Variants in SV2C observed in about 807,000 individuals in gnomAD.
SV2C encodes synaptic vesicle glycoprotein 2C, also known as solute carrier family 22 member B3.
In SV2C, 49 loss-of-function variants were observed where a neutral mutation model predicts 79.7. The ratio of observed to expected loss-of-function variants is 0.61; its 90% CI spans 0.49 to 0.78. SV2C has a LOEUF of 0.78. SV2C is among the 30% of genes least tolerant of loss of function. The pLI is 0.00. For synonymous variants in SV2C, 334 were observed against 333.2 expected (o/e 1.00, Z -0.03); for missense variants, 833 against 912.9 (o/e 0.91, Z 1.13).
the SV2C span, among the ~76,000 whole-genome samples, chr5:76,015,372 C>A: frequency 6.6e-6 from 1 of 152,162 alleles, no homozygotes; most frequent in Non-Finnish European, 1.5e-5. Context: ...CCTACCTTAG[C>A]CTAGCCTAGC....
chr5:75,919,324 CT>C, the SV2C span, among the ~76,000 whole-genome samples: 1 of 152,186 alleles, frequency 6.6e-6, no homozygotes, highest in Non-Finnish European at 1.5e-5. Context: ...CTCTGTTTTT[CT>C]TCTCTGGACA....
chr5:75,899,366 T>C, the SV2C span, among the ~76,000 whole-genome samples: 1 of 151,870 alleles, frequency 6.6e-6, no homozygotes, highest in African/African-American at 2.4e-5. Flanking sequence ...ATTTTCCATG[T>C]AGTTGAGTGG....
chr5:75,991,448 C>T, the SV2C span, among the ~76,000 whole-genome samples: 1 of 150,730 alleles, frequency 6.6e-6, no homozygotes, highest in African/African-American at 2.4e-5. Context: ...TATTTATAAG[C>T]AATCTGTAAT....
At chr5:76,151,818 C>A (rs1446991213) in intron 2 of SV2C, among the ~76,000 whole-genome samples, 2 of 149,462 alleles carry the variant, frequency 1.3e-5, no homozygotes, top group Non-Finnish European at 3.0e-5. Context: ...GTGGTGCCAC[C>A]CAGTGAATCT....
chr5:75,873,243 A>G, the SV2C span, among the ~76,000 whole-genome samples: 1 of 152,196 alleles, frequency 6.6e-6, no homozygotes, highest in South Asian at 2.1e-4. Context: ...TTATGAAACA[A>G]TGATGAAGAC....
chr5:76,234,204 G>A (rs1579970384), intron 4 of SV2C, among the ~76,000 whole-genome samples: 1 of 152,108 alleles, frequency 6.6e-6, no homozygotes, highest in African/African-American at 2.4e-5. Context: ...AAACACCTAT[G>A]ACATGTTCCT....
intron 4 of SV2C, among the ~76,000 whole-genome samples, chr5:76,249,196 C>T (rs967841850): frequency 3.3e-5 from 5 of 152,164 alleles, no homozygotes; most frequent in African/African-American, 1.2e-4. Flanking sequence ...AGAAGTTCTC[C>T]AAGAGCTGCT....
the SV2C span, among the ~76,000 whole-genome samples, chr5:75,987,794 T>A: frequency 6.6e-6 from 1 of 152,044 alleles, no homozygotes; most frequent in African/African-American, 2.4e-5. Flanking sequence ...ACTACTGCCA[T>A]CTACTACTAG....
the SV2C span, among the ~76,000 whole-genome samples, chr5:76,040,452 A>G: frequency 2.0e-5 from 3 of 152,356 alleles, no homozygotes; most frequent in East Asian, 5.8e-4. Context: ...TGCCTTTGAT[A>G]CCATCATATA....
chr5:75,939,204 A>G, the SV2C span, among the ~76,000 whole-genome samples: 2 of 152,148 alleles, frequency 1.3e-5, no homozygotes, highest in African/African-American at 4.8e-5. Flanking sequence ...CTGTAACAAC[A>G]TACCATAGGC....
chr5:76,096,104 G>A (rs1430375484), intron 1 of SV2C, among the ~76,000 whole-genome samples: 3 of 152,104 alleles, frequency 2.0e-5, no homozygotes, highest in African/African-American at 7.2e-5. Context: ...GTGAGTTCAT[G>A]AAATACACAT....
the SV2C span, among the ~76,000 whole-genome samples, chr5:75,963,340 A>T: frequency 6.6e-6 from 1 of 152,116 alleles, no homozygotes; most frequent in African/African-American, 2.4e-5. Context: ...GAAAGAGTGT[A>T]TGGGAGGTTA....
intron 3 of SV2C, among the ~76,000 whole-genome samples, chr5:76,204,902 G>A (rs1424783209): frequency 6.6e-6 from 1 of 152,132 alleles, no homozygotes; most frequent in Non-Finnish European, 1.5e-5. Flanking sequence ...TTCCCAATGA[G>A]GTTTGTGCAT....
chr5:75,923,385 C>T, the SV2C span, among the ~76,000 whole-genome samples: 1 of 152,042 alleles, frequency 6.6e-6, no homozygotes, highest in African/African-American at 2.4e-5. Flanking sequence ...ACTAAGACCC[C>T]AAAAGCAAAT....
intron 2 of SV2C, among the ~76,000 whole-genome samples, chr5:76,139,737 T>A (rs1168141078): frequency 6.3e-4 from 96 of 152,300 alleles, no homozygotes; most frequent in African/African-American, 2.2e-3. Flanking sequence ...TAGAGTCAAT[T>A]GGTATACTGG....
chr5:76,126,056 A>C (rs1394330135), intron 1 of SV2C, among the ~76,000 whole-genome samples: 1 of 152,084 alleles, frequency 6.6e-6, no homozygotes, highest in African/African-American at 2.4e-5. Flanking sequence ...TGTCTCAAAA[A>C]ACAAACAAAA....
chr5:76,015,210 T>A, the SV2C span, among the ~76,000 whole-genome samples: 1 of 152,180 alleles, frequency 6.6e-6, no homozygotes, highest in African/African-American at 2.4e-5. Flanking sequence ...CATAAGTTAG[T>A]GAAGTCTCCA....
intron 1 of SV2C, among the ~76,000 whole-genome samples, chr5:76,131,303 C>A (rs1748881583): frequency 6.6e-6 from 1 of 152,120 alleles, no homozygotes; most frequent in Non-Finnish European, 1.5e-5. Flanking sequence ...AAGGTATATG[C>A]TTGTAGCATT....
chr5:75,901,068 G>C, the SV2C span, among the ~76,000 whole-genome samples: 1 of 152,170 alleles, frequency 6.6e-6, no homozygotes, highest in African/African-American at 2.4e-5. Context: ...ATCATCTGAA[G>C]CCTTCTTCTC....
Sources: gnomAD v4.1 joint callset for allele counts (sites outside exome capture counted in the v4.1 genomes callset) on GRCh38, gnomAD v4.1.1 for gene constraint, MANE v1.5 for transcripts, NCBI Gene and HGNC (gene_info 2026-07-23, HGNC 2026-07-21) for gene names.